The following AOPEP variants were observed in gnomAD, a reference collection of about 807,000 sequenced individuals.
The protein encoded by AOPEP is aminopeptidase O (putative).
A neutral mutation model predicts 98.1 loss-of-function variants in AOPEP; 77 were observed. The observed-to-expected ratio is 0.78, with a 90% confidence interval of 0.65 to 0.95. The LOEUF is 0.95. AOPEP is among the 40% of genes least tolerant of loss of function. The pLI, the probability that AOPEP is intolerant of heterozygous loss-of-function variation, is 0.00. For synonymous variants in AOPEP, 346 were observed against 365.3 expected, an observed-to-expected ratio of 0.95 and a Z score of 0.60; for missense variants, 1,024 against 1,024.7, an observed-to-expected ratio of 1.00 and a Z score of 0.01.
downstream of AOPEP, among the ~76,000 whole-genome samples, chr9:95,090,686 C>A (rs561627243): frequency 5.9e-5 from 9 of 152,312 alleles, no homozygotes; most frequent in East Asian, 1.7e-3. Context: ...CTCCCCAGCC[C>A]AGGGCTCTGG....
the AOPEP span, chr9:95,135,548 G>A: frequency 4.5e-6 from 7 of 1,560,936 alleles, no homozygotes; most frequent in Admixed American, 1.0e-4. Flanking sequence ...ATGGCTCACT[G>A]AAAAAAGAAG....
intron 5 of AOPEP, among the ~76,000 whole-genome samples, chr9:94,916,297 A>G (rs141531643): frequency 5.9e-5 from 9 of 152,242 alleles, no homozygotes; most frequent in East Asian, 1.9e-4. Flanking sequence ...GCGTGCTCCA[A>G]TGAGGCTGCC....
At chr9:94,949,097 T>C (rs1197777267) in intron 7 of AOPEP, among the ~76,000 whole-genome samples, 1 of 152,256 alleles carries the variant, frequency 6.6e-6, no homozygotes, top group African/African-American at 2.4e-5. Flanking sequence ...AGAATGTGTC[T>C]AGATCATCGC....
At chr9:95,115,218 AG>A in the AOPEP span, among the ~76,000 whole-genome samples, 1 of 152,118 alleles carries the variant, frequency 6.6e-6, no homozygotes, top group South Asian at 2.1e-4. Context: ...CTGGAATTAC[AG>A]GCATTAATCA....
intron 1 of AOPEP, among the ~76,000 whole-genome samples, chr9:94,742,302 G>A (rs1178381716): frequency 6.6e-6 from 1 of 152,148 alleles, no homozygotes; most frequent in African/African-American, 2.4e-5. Context: ...GACCAGTGGG[G>A]TGCCCTCAAG....
At chr9:95,025,123 T>C (rs2063742248) in intron 13 of AOPEP, among the ~76,000 whole-genome samples, 2 of 152,196 alleles carry the variant, frequency 1.3e-5, no homozygotes, top group African/African-American at 4.8e-5. Context: ...CTCAATAGCT[T>C]TTCTACAGGG....
Position 95,080,767 on chromosome 9 carries a change from T to C in AOPEP, c.2306T>C (p.Leu769Pro). Reference sequence around the variant, plus strand: ...GCCTACAAAAGTGTGGAGAGGTTCCTTCAGGAGGATCAGGTAGGTGTCATC... The same window carrying C: ...GCCTACAAAAGTGTGGAGAGGTTCCCTCAGGAGGATCAGGTAGGTGTCATC... ...TKAYKSVERF[L>P]QEDQAMGVYL... The change falls in exon 15 of 17, where the codon CTT (leucine) becomes CCT (proline). Residue 769 changes from leucine to proline, a missense_variant. By Grantham distance (98) the Leu-to-Pro change is moderately conservative (BLOSUM62 -3). Coordinates refer to ENST00000375315, the MANE Select transcript of AOPEP (RefSeq NM_001193329.3). The C allele has an allele frequency of 2.5e-6, 4 of 1,613,608 alleles. No homozygotes were observed. The highest frequency in any genetic ancestry group is 3.4e-6 in the Non-Finnish European group (4 of 1,179,528).
chr9:94,898,131 T>C (rs10821411), intron 5 of AOPEP, among the ~76,000 whole-genome samples: 136,519 of 152,098 alleles, frequency 0.9, 61,867 homozygotes, highest in East Asian at 0.97. Flanking sequence ...TGAGCCACTG[T>C]GCCCAGCCTA....
intron 5 of AOPEP, among the ~76,000 whole-genome samples, chr9:94,873,131 A>C (rs1188208990): frequency 2.6e-5 from 4 of 152,152 alleles, no homozygotes; most frequent in Admixed American, 2.6e-4. Flanking sequence ...AAAAACAGGG[A>C]GGAAAAAACT....
the AOPEP span, among the ~76,000 whole-genome samples, chr9:95,135,888 C>T: frequency 5.3e-4 from 81 of 152,260 alleles, no homozygotes; most frequent in African/African-American, 1.9e-3. Flanking sequence ...AATAGGGATG[C>T]GGACCTGGGT....
intron 5 of AOPEP, among the ~76,000 whole-genome samples, chr9:94,822,405 T>A (rs1853446209): frequency 6.6e-6 from 1 of 152,262 alleles, no homozygotes; most frequent in South Asian, 2.1e-4. Flanking sequence ...TTTGTTTGTT[T>A]TGTTTTTTAT....
At chr9:94,741,147 G>A (rs990337433) in intron 1 of AOPEP, among the ~76,000 whole-genome samples, 3 of 152,142 alleles carry the variant, frequency 2.0e-5, no homozygotes, top group Non-Finnish European at 2.9e-5. Context: ...GGTCTGATAG[G>A]ATAAGGTTGA....
At chr9:94,878,568 G>A (rs903326005) in intron 5 of AOPEP, among the ~76,000 whole-genome samples, 2 of 151,986 alleles carry the variant, frequency 1.3e-5, no homozygotes, top group Non-Finnish European at 2.9e-5. Context: ...TTAAAACCTT[G>A]CGTTATTTAG....
intron 7 of AOPEP, among the ~76,000 whole-genome samples, chr9:94,954,915 T>G (rs1589064317): frequency 1.3e-5 from 2 of 152,218 alleles, no homozygotes; most frequent in East Asian, 3.8e-4. Flanking sequence ...TAGTAGAGCT[T>G]AGAACCCTTG....
intron 7 of AOPEP, among the ~76,000 whole-genome samples, chr9:94,938,883 A>C (rs559808040): frequency 6.6e-6 from 1 of 152,342 alleles, no homozygotes; most frequent in Non-Finnish European, 1.5e-5. Context: ...ACAGAGGCAT[A>C]AGTTCGGAAG....
chr9:95,030,107 T>A (rs1433359971), intron 13 of AOPEP, among the ~76,000 whole-genome samples: 1 of 152,188 alleles, frequency 6.6e-6, no homozygotes, highest in Admixed American at 6.5e-5. Context: ...TAACTTTTTT[T>A]CCCCCTGAAT....
At chr9:94,748,992 G>A (rs1232874670) in intron 1 of AOPEP, among the ~76,000 whole-genome samples, 5 of 151,994 alleles carry the variant, frequency 3.3e-5, no homozygotes, top group African/African-American at 1.2e-4. Context: ...AATTAAGTTT[G>A]GCCTATATTC....
chr9:94,775,314 T>G (rs1007984149), intron 3 of AOPEP, among the ~76,000 whole-genome samples: 41 of 152,142 alleles, frequency 2.7e-4, no homozygotes, highest in African/African-American at 8.2e-4. Context: ...AATTTTGTGA[T>G]GTCTTTATCA....
intron 5 of AOPEP, among the ~76,000 whole-genome samples, chr9:94,878,507 G>T (rs1320168275): frequency 6.6e-6 from 1 of 151,718 alleles, no homozygotes; most frequent in Non-Finnish European, 1.5e-5. Context: ...TTAGTCAGTG[G>T]ATCACAAAAA....
Sources: allele counts gnomAD v4.1 joint callset (sites outside exome capture counted in the v4.1 genomes callset), GRCh38; gene constraint gnomAD v4.1.1; transcripts MANE v1.5; gene names NCBI Gene and HGNC (gene_info 2026-07-23, HGNC 2026-07-21).